GPC6: variants seen among roughly 807,000 people sequenced by gnomAD.
The protein encoded by GPC6 is glypican 6.
GPC6 carries 14 observed loss-of-function variants against 55.2 expected under a neutral mutation model. That is an observed-to-expected ratio of 0.25 (90% CI 0.17 to 0.40). The LOEUF is 0.40. Among genes scored for constraint, GPC6 ranks in the 10% least tolerant of loss-of-function variants. The pLI is 1.00. For missense variants in GPC6, 641 were observed against 708.5 expected (o/e 0.90, Z 1.08); for synonymous variants, 278 against 259.6 (o/e 1.07, Z -0.68).
chr13:94,251,263 A>G (rs1206775999), intron 4 of GPC6, among the ~76,000 whole-genome samples: 1 of 150,360 alleles, frequency 6.7e-6, no homozygotes, highest in East Asian at 2.0e-4. Flanking sequence ...ATTAGAGCAC[A>G]TGGATATAAG....
At chr13:93,602,850 G>A (rs542140078) in intron 2 of GPC6, among the ~76,000 whole-genome samples, 8 of 152,118 alleles carry the variant, frequency 5.3e-5, no homozygotes, top group East Asian at 1.9e-4. Flanking sequence ...ATACATTTTC[G>A]GTTTCTAGTA....
chr13:93,956,318 T>G (rs920542279), intron 3 of GPC6, among the ~76,000 whole-genome samples: 5 of 152,172 alleles, frequency 3.3e-5, no homozygotes, highest in Non-Finnish European at 5.9e-5. Context: ...TCTTGGTGGA[T>G]TACTGATTGA....
intron 4 of GPC6, among the ~76,000 whole-genome samples, chr13:94,261,638 A>G (rs146983196): frequency 0.021 from 3,227 of 152,350 alleles, 58 homozygotes; most frequent in Non-Finnish European, 0.032. Flanking sequence ...AAATGAGCAC[A>G]CTAATAGTTA....
chr13:94,239,056 C>T (rs1180212406), intron 4 of GPC6, among the ~76,000 whole-genome samples: 10 of 152,072 alleles, frequency 6.6e-5, no homozygotes, highest in African/African-American at 2.4e-4. Context: ...AACGTGAATA[C>T]AACGCAAAAC....
chr13:93,565,677 A>G (rs1414133084), intron 2 of GPC6, among the ~76,000 whole-genome samples: 1 of 152,184 alleles, frequency 6.6e-6, no homozygotes, highest in Non-Finnish European at 1.5e-5. Flanking sequence ...TAATCCCAGC[A>G]CTTTGGGAGG....
At chr13:94,186,653 C>T (rs1326152735) in intron 4 of GPC6, among the ~76,000 whole-genome samples, 2 of 152,090 alleles carry the variant, frequency 1.3e-5, no homozygotes, top group African/African-American at 4.8e-5. Flanking sequence ...TTCTCACAGG[C>T]ACTTTAAAGA....
intron 1 of GPC6, among the ~76,000 whole-genome samples, chr13:93,425,449 G>A (rs773992940): frequency 2.6e-5 from 4 of 152,144 alleles, no homozygotes; most frequent in Non-Finnish European, 4.4e-5. Flanking sequence ...TCTGGGAGCT[G>A]GAAGCTGGCA....
At chr13:94,186,828 G>C (rs190418238) in intron 4 of GPC6, 98 of 152,314 alleles carry the variant, frequency 6.4e-4, no homozygotes, top group African/African-American at 2.2e-3. Context: ...ACTGCCCTCT[G>C]CATACACTCA....
chr13:94,394,662 T>C (rs1880817845), intron 7 of GPC6, among the ~76,000 whole-genome samples: 1 of 152,200 alleles, frequency 6.6e-6, no homozygotes, highest in Non-Finnish European at 1.5e-5. Context: ...TAGATTTAGA[T>C]TCAGGACTTA....
chr13:94,371,140 C>T (rs1281291498), intron 6 of GPC6, among the ~76,000 whole-genome samples: 1 of 152,022 alleles, frequency 6.6e-6, no homozygotes, highest in Non-Finnish European at 1.5e-5. Context: ...CCAATGCTGC[C>T]CCTCCCCACT....
At chr13:94,265,100 A>G (rs1891760460) in intron 4 of GPC6, among the ~76,000 whole-genome samples, 1 of 152,200 alleles carries the variant, frequency 6.6e-6, no homozygotes, top group Non-Finnish European at 1.5e-5. Flanking sequence ...TCAACTTGTT[A>G]CTTTAGGAAG....
At chr13:94,258,811 A>G (rs767540983) in intron 4 of GPC6, among the ~76,000 whole-genome samples, 11 of 152,192 alleles carry the variant, frequency 7.2e-5, no homozygotes, top group Non-Finnish European at 1.0e-4. Context: ...AGGCTCCACA[A>G]TGTCATGGAA....
intron 4 of GPC6, among the ~76,000 whole-genome samples, chr13:94,205,809 A>C (rs1400283577): frequency 6.6e-6 from 1 of 152,186 alleles, no homozygotes; most frequent in Non-Finnish European, 1.5e-5. Context: ...AATGGCTTTC[A>C]GGATCCTGAA....
At chr13:94,125,255 T>G (rs1293567008) in intron 4 of GPC6, among the ~76,000 whole-genome samples, 2 of 152,156 alleles carry the variant, frequency 1.3e-5, no homozygotes, top group Admixed American at 1.3e-4. Context: ...CAGGTGTATT[T>G]TATGACAATG....
At chr13:93,608,745 G>A (rs2139535962) in intron 2 of GPC6, among the ~76,000 whole-genome samples, 1 of 152,340 alleles carries the variant, frequency 6.6e-6, no homozygotes, top group East Asian at 1.9e-4. Flanking sequence ...TCAGGGAGAG[G>A]ATGGAGGTGG....
At chr13:93,318,535 A>G (rs1879320930) in intron 1 of GPC6, among the ~76,000 whole-genome samples, 1 of 152,158 alleles carries the variant, frequency 6.6e-6, no homozygotes, top group Admixed American at 6.6e-5. Context: ...GGCTAAAATA[A>G]AGGGGAAAAA....
chr13:94,296,082 G>C (rs1027523034), intron 5 of GPC6, among the ~76,000 whole-genome samples: 1 of 152,140 alleles, frequency 6.6e-6, no homozygotes, highest in African/African-American at 2.4e-5. Context: ...TTTTTCAGGT[G>C]CTAGGGCAGA....
chr13:93,781,038 G>A (rs1885628846), intron 2 of GPC6, among the ~76,000 whole-genome samples: 2 of 152,076 alleles, frequency 1.3e-5, no homozygotes, highest in South Asian at 4.2e-4. Context: ...AGCACTTTGG[G>A]AGGCTGAGGC....
At chr13:93,302,647 G>A (rs1878720998) in intron 1 of GPC6, among the ~76,000 whole-genome samples, 1 of 152,176 alleles carries the variant, frequency 6.6e-6, no homozygotes, top group African/African-American at 2.4e-5. Context: ...AATTTCTGAA[G>A]TCAAACTTGT....
Sources: gnomAD v4.1 joint callset for allele counts (sites outside exome capture counted in the v4.1 genomes callset) on GRCh38, gnomAD v4.1.1 for gene constraint, MANE v1.5 for transcripts, NCBI Gene and HGNC (gene_info 2026-07-23, HGNC 2026-07-21) for gene names.